PLXNC1: variants seen among roughly 807,000 people sequenced by gnomAD.
PLXNC1 encodes plexin C1, also known as plexin-C1.
Under a neutral mutation model 178.2 loss-of-function variants are expected in PLXNC1, and 75 were observed. That is an observed-to-expected ratio of 0.42 (90% CI 0.35 to 0.51). PLXNC1 has a LOEUF of 0.51. Among genes scored for constraint, PLXNC1 ranks in the 20% least tolerant of loss-of-function variants. The pLI, the probability that PLXNC1 is intolerant of heterozygous loss-of-function variation, is 0.02. For missense variants in PLXNC1, 1,503 were observed against 1,984.4 expected, an observed-to-expected ratio of 0.76 and a Z score of 4.61; for synonymous variants, 790 against 779.9, an observed-to-expected ratio of 1.01 and a Z score of -0.22.
intron 9 of PLXNC1, 85 bp from the exon 10 acceptor site, chr12:94,237,579 C>A: frequency 8.8e-7 from 1 of 1,139,176 alleles, no homozygotes; most frequent in Non-Finnish European, 1.3e-6. Context: ...GTGATTTCTT[C>A]GAACTGCAGC....
At chr12:94,157,253 A>G (rs1295050455) in intron 1 of PLXNC1, among the ~76,000 whole-genome samples, 2 of 152,204 alleles carry the variant, frequency 1.3e-5, no homozygotes, top group Non-Finnish European at 2.9e-5. Flanking sequence ...ATTCCCTTAG[A>G]ACAGGATGGC....
chr12:94,283,810 G>A (rs139033054), intron 23 of PLXNC1, among the ~76,000 whole-genome samples: 23 of 152,280 alleles, frequency 1.5e-4, no homozygotes, highest in African/African-American at 4.3e-4. Context: ...TGGGCCAGGC[G>A]TGGTGGCTCA....
chr12:94,294,686 T>C (rs370093597), intron 24 of PLXNC1, 146 bp downstream of exon 24: 1 of 561,628 alleles, frequency 1.8e-6, no homozygotes, highest in East Asian at 3.0e-5. Context: ...CATTTTGATC[T>C]CTTTGCAGTC....
At chr12:94,224,965 G>A (rs1045269602) in intron 7 of PLXNC1, among the ~76,000 whole-genome samples, 4 of 152,114 alleles carry the variant, frequency 2.6e-5, no homozygotes, top group East Asian at 1.9e-4. Flanking sequence ...GAATTTGGGC[G>A]GAACGAGAAG....
chr12:94,164,135 C>G (rs1051302053), intron 1 of PLXNC1, among the ~76,000 whole-genome samples: 1 of 152,054 alleles, frequency 6.6e-6, no homozygotes, highest in African/African-American at 2.4e-5. Context: ...CAGGGGTTTC[C>G]TAATGGCAAG....
chr12:94,288,928 C>A lies in PLXNC1; in HGVS notation c.3880-5558C>A, dbSNP rs77007673. ...GATTCTCATGTTTTCAGATTTTTTTCTTTAAATTATCACAATATTCAGAAC... is the reference window on the plus strand; with the variant it reads ...GATTCTCATGTTTTCAGATTTTTTTATTTAAATTATCACAATATTCAGAAC... On this transcript the variant is annotated intron_variant, in intron 23 of 30. Transcript: ENST00000258526. Among the ~76,000 whole-genome samples, 247 of 152,172 alleles carry A rather than the reference C, an allele frequency of 1.6e-3. 2 individuals carry two copies. The East Asian group carries it at 0.042, about 26-fold the overall frequency.
At chr12:94,236,772 C>T (rs1047826462) in intron 9 of PLXNC1, among the ~76,000 whole-genome samples, 1 of 152,174 alleles carries the variant, frequency 6.6e-6, no homozygotes, top group Admixed American at 6.5e-5. Context: ...AGAATACAGA[C>T]TTGCTGAAAA....
chr12:94,277,262 T>C (rs1304887652), intron 21 of PLXNC1: 1 of 152,278 alleles, frequency 6.6e-6, no homozygotes, highest in Non-Finnish European at 1.5e-5. Flanking sequence ...ATCCCATTTA[T>C]GAGGACTCTG....
At chr12:94,237,340 A>G (rs958751349) in intron 9 of PLXNC1, among the ~76,000 whole-genome samples, 5 of 152,200 alleles carry the variant, frequency 3.3e-5, no homozygotes, top group African/African-American at 9.6e-5. Flanking sequence ...GTGAGCCTCC[A>G]GAGGCTGTAA....
At chr12:94,239,136 C>G (rs1964314384) in intron 10 of PLXNC1, among the ~76,000 whole-genome samples, 1 of 152,152 alleles carries the variant, frequency 6.6e-6, no homozygotes, top group African/African-American at 2.4e-5. Context: ...AATTAAATGA[C>G]TAGGAGACCT....
rs61265662 is a variant in PLXNC1 at position 94,268,588 on chromosome 12, C to CTTTTTTTTTTTTTTTTTTTT, written c.3597+3368_3597+3387dup. Among the ~76,000 whole-genome samples, 24 of 90,878 alleles carry CTTTTTTTTTTTTTTTTTTTT rather than the reference C, an allele frequency of 2.6e-4. 1 individual carries two copies. The highest frequency in any genetic ancestry group is 1.0e-3 in the African/African-American group (22 of 21,716). 59.6% of individuals were successfully genotyped at this position (90,878 alleles called of 152,430 possible). On this transcript the variant is annotated intron_variant, in intron 21 of 30. Coordinates refer to ENST00000258526, the MANE Select transcript of PLXNC1 (RefSeq NM_005761.3). ...TCAGACAGCTGGAAGAGAATAAGACCTTTTTTTTTTTTTTTTTTTTTTTTA... is the reference window on the plus strand; with the variant it reads ...TCAGACAGCTGGAAGAGAATAAGACCTTTTTTTTTTTTTTTTTTTTTTTTTTTTTTTTTTTTTTTTTTTTA...
intron 6 of PLXNC1, among the ~76,000 whole-genome samples, chr12:94,222,778 G>A (rs956466199): frequency 2.6e-5 from 4 of 152,082 alleles, no homozygotes; most frequent in African/African-American, 9.7e-5. Context: ...CCACTGGAGT[G>A]TATTTTCACT....
rs542134843 is a variant in PLXNC1, at chr12:94,176,208, G to A, written c.1204-5238G>A. On this transcript the variant is annotated intron_variant, in intron 2 of 30. Transcript: ENST00000258526. The stretch of plus-strand genomic sequence containing the variant: ...GCTTCACTGATCATGTTCTTTTTCC[G>A]AGGCTGCCCACCTAAACTGAGCTGA... 1.7e-4 allele frequency among the ~76,000 whole-genome samples: 26 copies of A among 152,134 alleles called. No individual in the cohort carries two copies. The South Asian group carries it at 3.1e-3, about 18-fold the overall frequency.
At chr12:94,216,604 C>T (rs938083617) in intron 5 of PLXNC1, among the ~76,000 whole-genome samples, 10 of 152,144 alleles carry the variant, frequency 6.6e-5, no homozygotes, top group Non-Finnish European at 1.2e-4. Flanking sequence ...ATATTCATTC[C>T]GTTTGAAGCA....
chr12:94,153,181 T>G (rs1961022898), intron 1 of PLXNC1, among the ~76,000 whole-genome samples: 1 of 152,230 alleles, frequency 6.6e-6, no homozygotes, highest in African/African-American at 2.4e-5. Flanking sequence ...CTCAAGATAG[T>G]TAAGTGCCAA....
chr12:94,303,429 A>C (rs1323097453), intron 28 of PLXNC1, among the ~76,000 whole-genome samples: 1 of 152,224 alleles, frequency 6.6e-6, no homozygotes, highest in Non-Finnish European at 1.5e-5. Flanking sequence ...ATTAGTAATG[A>C]ACTATGATTG....
chr12:94,290,581 G>A (rs774897934), intron 23 of PLXNC1, among the ~76,000 whole-genome samples: 6 of 152,186 alleles, frequency 3.9e-5, no homozygotes, highest in Non-Finnish European at 7.3e-5. Flanking sequence ...TAAACTTAGC[G>A]GCTGGCTGGA....
chr12:94,256,875 A>C (rs1325018813), intron 17 of PLXNC1, among the ~76,000 whole-genome samples: 1 of 151,934 alleles, frequency 6.6e-6, no homozygotes, highest in Non-Finnish European at 1.5e-5. Flanking sequence ...GATCCCAGGA[A>C]CAATGCTACC....
chr12:94,226,560 A>G (rs1299391682), intron 7 of PLXNC1, 45 bp from the exon 8 acceptor site: 1 of 1,311,776 alleles, frequency 7.6e-7, no homozygotes, highest in African/African-American at 1.5e-5. Flanking sequence ...GGATGTGAAC[A>G]TTGTCCTAAA....
Sources: gnomAD v4.1 joint callset for allele counts (sites outside exome capture counted in the v4.1 genomes callset) on GRCh38, gnomAD v4.1.1 for gene constraint, MANE v1.5 for transcripts, NCBI Gene and HGNC (gene_info 2026-07-23, HGNC 2026-07-21) for gene names.